Variants in RORA observed in about 807,000 individuals in gnomAD.
The protein encoded by RORA is RAR related orphan receptor A.
In RORA, 7 loss-of-function variants were observed where a neutral mutation model predicts 69.5. That is an observed-to-expected ratio of 0.10 (90% CI 0.06 to 0.19). The LOEUF (loss-of-function observed/expected upper bound fraction) is 0.19, where lower values mean the gene tolerates loss of function less well. Ranked by LOEUF, RORA falls within the 10% of genes least tolerant of loss-of-function variation. The probability of loss-of-function intolerance (pLI) is 1.00; values close to 1 mark genes in which losing one functional copy is unlikely to be tolerated. For synonymous variants in RORA, 261 were observed against 240.8 expected (o/e 1.08, Z -0.78); for missense variants, 457 against 663.0 (o/e 0.69, Z 3.41).
intron 1 of RORA, among the ~76,000 whole-genome samples, chr15:60,947,190 G>C (rs1892916583): frequency 6.6e-6 from 1 of 152,226 alleles, no homozygotes; most frequent in South Asian, 2.1e-4. Flanking sequence ...CGTCTGGGAG[G>C]TGTACCCAAC....
At chr15:60,949,133 A>G (rs1356516306) in intron 1 of RORA, among the ~76,000 whole-genome samples, 1 of 152,172 alleles carries the variant, frequency 6.6e-6, no homozygotes, top group South Asian at 2.1e-4. Context: ...AGCACCTAGC[A>G]TGCACCAGGC....
At chr15:60,787,043 G>T (rs755348218) in intron 1 of RORA, among the ~76,000 whole-genome samples, 1 of 152,250 alleles carries the variant, frequency 6.6e-6, no homozygotes. Context: ...CTATAGCTCT[G>T]AGAATGTCAT....
chr15:60,971,808 T>G (rs913111065), intron 1 of RORA, among the ~76,000 whole-genome samples: 1 of 152,234 alleles, frequency 6.6e-6, no homozygotes, highest in South Asian at 2.1e-4. Context: ...GAGATGTGGA[T>G]GTTCCTTCAG....
intron 2 of RORA, among the ~76,000 whole-genome samples, chr15:60,549,491 AAATAT>A (rs2067168646): frequency 6.6e-6 from 1 of 152,186 alleles, no homozygotes; most frequent in African/African-American, 2.4e-5. Context: ...TTGAATGAGA[AAATAT>A]TCTGCAGTTT....
At position 60,534,296 on chromosome 15, in the gene RORA, G is replaced by A. The variant is rs966733902; in HGVS notation, c.197-2445C>T. ...CTGGCAGGGGTGAGGGTAGGGGTGC[G>A]GGTGGGGAGCAGTTGTAGTACAGAC... On this transcript the variant is annotated intron_variant, in intron 2 of 10. Coordinates refer to ENST00000335670, the MANE Select transcript of RORA (RefSeq NM_134261.3). The surrounding 1 kb of genome is among the most constrained non-coding windows in gnomAD (Gnocchi z 5.0). Among the ~76,000 whole-genome samples, 1 of 152,142 alleles carries A rather than the reference G, an allele frequency of 6.6e-6. No individual in the cohort carries two copies. Among genetic ancestry groups the A allele is most frequent in the African/African-American group, 2.4e-5 (1 of 41,412 alleles).
intron 1 of RORA, among the ~76,000 whole-genome samples, chr15:60,929,289 C>T (rs1595823256): frequency 6.6e-6 from 1 of 152,148 alleles, no homozygotes; most frequent in African/African-American, 2.4e-5. Flanking sequence ...CCCTCCCTCC[C>T]CCTATCAAAA....
At chr15:60,773,817 C>T (rs943533810) in intron 1 of RORA, among the ~76,000 whole-genome samples, 1 of 152,198 alleles carries the variant, frequency 6.6e-6, no homozygotes, top group African/African-American at 2.4e-5. Flanking sequence ...CCGGGCCAAG[C>T]AGACTTGACA....
intron 1 of RORA, among the ~76,000 whole-genome samples, chr15:60,831,206 G>C (rs1352136537): frequency 6.6e-6 from 1 of 152,180 alleles, no homozygotes; most frequent in Non-Finnish European, 1.5e-5. Context: ...TTCCAATCCA[G>C]TCTTCTTTGC....
At chr15:60,924,324 T>C (rs1305105894) in intron 1 of RORA, among the ~76,000 whole-genome samples, 3 of 51,222 alleles carry the variant, frequency 5.9e-5, no homozygotes, top group African/African-American at 1.2e-4. Flanking sequence ...AGGAGTACTC[T>C]TCTACTTTTA....
At chr15:61,164,143 CAA>C (rs57024937) in intron 1 of RORA, among the ~76,000 whole-genome samples, 38 of 141,768 alleles carry the variant, frequency 2.7e-4, no homozygotes, top group African/African-American at 9.0e-4. Flanking sequence ...TGGCCTGTAT[CAA>C]AAAAAAAAAA....
intron 2 of RORA, among the ~76,000 whole-genome samples, chr15:60,621,859 C>G (rs2069417908): frequency 6.6e-6 from 1 of 151,638 alleles, no homozygotes; most frequent in Non-Finnish European, 1.5e-5. Context: ...ACCAGCCTGG[C>G]CAATACGGTG....
chr15:60,727,919 T>G (rs540738996), intron 1 of RORA, among the ~76,000 whole-genome samples: 1 of 152,166 alleles, frequency 6.6e-6, no homozygotes. Context: ...CTCCTGGACC[T>G]GGCTTCACCT....
chr15:61,028,701 G>A (rs4488392), intron 1 of RORA, among the ~76,000 whole-genome samples: 76,686 of 152,148 alleles, frequency 0.5, 22,790 homozygotes, highest in Non-Finnish European at 0.69. Flanking sequence ...AGGAAGTGAT[G>A]CTGAATTCAA....
chr15:60,843,032 G>A (rs75212478), intron 1 of RORA, among the ~76,000 whole-genome samples: 7,205 of 152,000 alleles, frequency 0.047, 422 homozygotes, highest in African/African-American at 0.14. Context: ...CACACCCCTC[G>A]TGAAACTCCA....
intron 1 of RORA, among the ~76,000 whole-genome samples, chr15:61,104,993 G>GCCCCCCCCCCCCCC (rs751911711): frequency 7.1e-6 from 1 of 140,818 alleles, no homozygotes; most frequent in African/African-American, 2.6e-5. Context: ...TGATCATGAG[G>GCCCCCCCCCCCCCC]CGCCCCCCCC....
intron 1 of RORA, among the ~76,000 whole-genome samples, chr15:61,075,823 C>T (rs201962352): frequency 6.6e-6 from 1 of 152,200 alleles, no homozygotes; most frequent in African/African-American, 2.4e-5. Context: ...AACACACACA[C>T]GCAGTGGAGA....
At chr15:60,817,746 CCCTGTGTT>C (rs2072837483) in intron 1 of RORA, among the ~76,000 whole-genome samples, 1 of 152,216 alleles carries the variant, frequency 6.6e-6, no homozygotes, top group Non-Finnish European at 1.5e-5. Context: ...ACCCAAAACA[CCCTGTGTT>C]TGTCCCCTGT....
At chr15:60,984,927 A>C (rs1176250088) in intron 1 of RORA, among the ~76,000 whole-genome samples, 1 of 152,174 alleles carries the variant, frequency 6.6e-6, no homozygotes, top group East Asian at 1.9e-4. Flanking sequence ...CACTATAGAC[A>C]AATGTCAGTT....
intron 1 of RORA, among the ~76,000 whole-genome samples, chr15:61,218,383 C>T (rs991154801): frequency 1.3e-5 from 2 of 152,032 alleles, no homozygotes; most frequent in African/African-American, 4.8e-5. Context: ...CTCTTTGGCC[C>T]GGTAAACTTG....
Sources: gnomAD v4.1 joint callset for allele counts (sites outside exome capture counted in the v4.1 genomes callset) on GRCh38, gnomAD v4.1.1 for gene constraint, Gnocchi (gnomAD v3.1) non-coding constraint, MANE v1.5 for transcripts, NCBI Gene and HGNC (gene_info 2026-07-23, HGNC 2026-07-21) for gene names.